The following LMLN variants were observed in gnomAD, a reference collection of about 807,000 sequenced individuals.
LMLN encodes the protein leishmanolysin like peptidase, also known as leishmanolysin-like peptidase.
A neutral mutation model predicts 92.3 loss-of-function variants in LMLN; 70 were observed. The ratio of observed to expected loss-of-function variants is 0.76; its 90% CI spans 0.63 to 0.92. The LOEUF is 0.92. Among genes scored for constraint, LMLN ranks in the 40% least tolerant of loss-of-function variants. The probability of loss-of-function intolerance (pLI) is 0.00; values close to 1 mark genes in which losing one functional copy is unlikely to be tolerated. For missense variants in LMLN, 691 were observed against 814.6 expected (o/e 0.85, Z 1.85); for synonymous variants, 308 against 296.2 (o/e 1.04, Z -0.41).
At chr3:197,997,624 A>T (rs1722064664) in intron 10 of LMLN, among the ~76,000 whole-genome samples, 1 of 152,200 alleles carries the variant, frequency 6.6e-6, no homozygotes, top group Non-Finnish European at 1.5e-5. Flanking sequence ...GCATTTTTGT[A>T]TTGCTGTGTT....
intron 10 of LMLN, among the ~76,000 whole-genome samples, chr3:197,997,549 C>T (rs1722061832): frequency 6.6e-6 from 1 of 152,182 alleles, no homozygotes; most frequent in African/African-American, 2.4e-5. Flanking sequence ...CTTGTGAGAA[C>T]CATACAGTAA....
chr3:197,994,933 G>T (rs555229934), intron 9 of LMLN, among the ~76,000 whole-genome samples: 1 of 152,334 alleles, frequency 6.6e-6, no homozygotes, highest in South Asian at 2.1e-4. Context: ...ATTTACAACA[G>T]CCACATTACA....
chr3:198,036,160 C>A, intron 15 of LMLN, 117 bp downstream of exon 16: 2 of 857,226 alleles, frequency 2.3e-6, no homozygotes, highest in Non-Finnish European at 3.6e-6. Flanking sequence ...TTCTTCTCTG[C>A]TGATTGCATT....
intron 1 of LMLN, among the ~76,000 whole-genome samples, chr3:197,973,305 A>C (rs1721281518): frequency 6.6e-6 from 1 of 151,618 alleles, no homozygotes; most frequent in South Asian, 2.1e-4. Context: ...GCAGTGACAA[A>C]ATCTCGGCTC....
Position 198,025,155 on chromosome 3 carries a change from G to A in LMLN, c.1656+367G>A, listed in dbSNP as rs79584716. Among the ~76,000 whole-genome samples the A allele has an allele frequency of 1.6e-3, 245 of 152,258 alleles. No individual in the cohort carries two copies. Among genetic ancestry groups the A allele is most frequent in the African/African-American group, 5.4e-3 (226 of 41,550 alleles). ...TGGGTTATAAGAATTAGTAAATCAG[G>A]CTGGACGTGGTGGCTCACGCCTGTA... On this transcript the variant is annotated intron_variant, in intron 14 of 15. Transcript: ENST00000330198. The surrounding 1 kb of genome is among the most constrained non-coding windows in gnomAD (Gnocchi z 4.3).
At chr3:198,014,836 C>T (rs867107793) in intron 11 of LMLN, among the ~76,000 whole-genome samples, 1 of 128,758 alleles carries the variant, frequency 7.8e-6, no homozygotes, top group African/African-American at 3.1e-5. Flanking sequence ...TCTCTCCACC[C>T]TTCAGAGCCC....
chr3:198,017,199 C>T (rs1198273937), intron 11 of LMLN, among the ~76,000 whole-genome samples: 2 of 152,166 alleles, frequency 1.3e-5, no homozygotes, highest in African/African-American at 4.8e-5. Flanking sequence ...ACCCCTGTCA[C>T]AGTCATTCAA....
At chr3:197,977,716 C>T (rs1023345758) in intron 5 of LMLN, among the ~76,000 whole-genome samples, 2 of 146,874 alleles carry the variant, frequency 1.4e-5, no homozygotes, top group Non-Finnish European at 3.0e-5. Context: ...AATCACCAAA[C>T]AATCTGGAAG....
rs781098301 is a variant in LMLN, at chr3:197,975,334, G to A, written c.348+262G>A. On this transcript the variant is annotated intron_variant, in intron 3 of 15. Coordinates refer to ENST00000330198, the Ensembl canonical transcript of LMLN. ...CTGCTTGCTTTCTCAAGTTTTTGGGGAGCAAATCATGCAGAGAATAGGGTG... is the reference window on the plus strand; with the variant it reads ...CTGCTTGCTTTCTCAAGTTTTTGGGAAGCAAATCATGCAGAGAATAGGGTG... 4.5e-4 allele frequency among the ~76,000 whole-genome samples: 68 copies of A among 151,614 alleles called. 1 individual carries two copies. Among genetic ancestry groups the A allele is most frequent in the South Asian group, 6.2e-4 (3 of 4,808 alleles).
chr3:197,984,356 G>A (rs1363852655), intron 7 of LMLN, among the ~76,000 whole-genome samples: 2 of 151,950 alleles, frequency 1.3e-5, no homozygotes, highest in South Asian at 2.1e-4. Context: ...GGTAGAGGCC[G>A]ACTTTGTATC....
intron 3 of LMLN, among the ~76,000 whole-genome samples, chr3:197,975,637 C>A (rs1721351410): frequency 6.6e-6 from 1 of 152,180 alleles, no homozygotes; most frequent in Non-Finnish European, 1.5e-5. Flanking sequence ...GTGTTGGAAT[C>A]ATCTAAGTTA....
intron 5 of LMLN, among the ~76,000 whole-genome samples, chr3:197,978,225 A>C (rs1206895101): frequency 6.6e-6 from 1 of 152,254 alleles, no homozygotes; most frequent in Admixed American, 6.5e-5. Flanking sequence ...TACATATAAA[A>C]ATGTTAATCA....
At chr3:198,034,416 C>A (rs1419236830) in intron 14 of LMLN, among the ~76,000 whole-genome samples, 1 of 152,050 alleles carries the variant, frequency 6.6e-6, no homozygotes, top group African/African-American at 2.4e-5. Flanking sequence ...TCAAGACCAG[C>A]CTGGCCAACA....
intron 11 of LMLN, among the ~76,000 whole-genome samples, chr3:198,006,903 G>A (rs1192333792): frequency 6.6e-6 from 1 of 152,084 alleles, no homozygotes; most frequent in Admixed American, 6.5e-5. Context: ...AGTAGAGATG[G>A]GGTTTTACCA....
chr3:197,965,372 G>A lies in LMLN; in HGVS notation c.219+4932G>A, dbSNP rs568465136. Reference sequence around the variant, plus strand: ...TGATCTATCCTGTTTAATTTTTCACGTGTACTTGTGAAGAATATATATTCT... The same window carrying A: ...TGATCTATCCTGTTTAATTTTTCACATGTACTTGTGAAGAATATATATTCT... On this transcript the variant is annotated intron_variant, in intron 1 of 15. Coordinates refer to ENST00000330198, the Ensembl canonical transcript of LMLN. 1.1e-4 allele frequency among the ~76,000 whole-genome samples: 17 copies of A among 151,678 alleles called. No individual in the cohort carries two copies. The Middle Eastern group carries it at 0.01, about 91-fold the overall frequency.
At chr3:197,996,401 C>A in intron 10 of LMLN, 119 bp downstream of exon 10, 1 of 547,854 alleles carries the variant, frequency 1.8e-6, no homozygotes, top group Non-Finnish European at 3.1e-6. Context: ...ACCCCTTCAG[C>A]TCTCCAGATG....
intron 14 of LMLN, among the ~76,000 whole-genome samples, chr3:198,029,103 C>G (rs778429151): frequency 1.3e-5 from 2 of 152,232 alleles, no homozygotes; most frequent in Non-Finnish European, 2.9e-5. Context: ...GTCCCAGTCT[C>G]TCTAATTAGA....
intron 9 of LMLN, among the ~76,000 whole-genome samples, chr3:197,992,641 A>G (rs550874054): frequency 6.6e-6 from 1 of 152,350 alleles, no homozygotes; most frequent in South Asian, 2.1e-4. Flanking sequence ...TGAATCAGTA[A>G]TAAAAGTCTG....
At chr3:197,969,620 A>G (rs568590555) in intron 1 of LMLN, among the ~76,000 whole-genome samples, 108 of 152,276 alleles carry the variant, frequency 7.1e-4, no homozygotes, top group African/African-American at 2.4e-3. Context: ...TTATGGCCCA[A>G]AATATGATCT....
Sources: allele counts gnomAD v4.1 joint callset (sites outside exome capture counted in the v4.1 genomes callset), GRCh38; gene constraint gnomAD v4.1.1; non-coding constraint Gnocchi (gnomAD v3.1); transcripts MANE v1.5; gene names NCBI Gene and HGNC (gene_info 2026-07-23, HGNC 2026-07-21).